Variants in NETO1 observed in about 807,000 individuals in gnomAD.
NETO1 encodes the protein neuropilin and tolloid-like protein 1.
A neutral mutation model predicts 61.3 loss-of-function variants in NETO1; 26 were observed. The observed-to-expected ratio is 0.42, with a 90% CI of 0.31 to 0.59. The LOEUF is 0.59. NETO1 is among the 20% of genes least tolerant of loss of function. The probability of loss-of-function intolerance (pLI) is 0.12; values close to 1 mark genes in which losing one functional copy is unlikely to be tolerated. For missense variants in NETO1, 531 were observed against 662.8 expected (o/e 0.80, Z 2.18); for synonymous variants, 225 against 225.8 (o/e 1.00, Z 0.03).
intron 7 of NETO1, among the ~76,000 whole-genome samples, chr18:72,778,001 C>T (rs981437194): frequency 1.3e-5 from 2 of 152,180 alleles, no homozygotes; most frequent in African/African-American, 4.8e-5. Flanking sequence ...TCCTTTGAAA[C>T]ATAGGTGAAG....
intron 4 of NETO1, among the ~76,000 whole-genome samples, chr18:72,840,980 G>C (rs1252911015): frequency 6.6e-6 from 1 of 152,146 alleles, no homozygotes; most frequent in Non-Finnish European, 1.5e-5. Flanking sequence ...AAAAGAGGGA[G>C]TTCTTTCCTT....
At chr18:72,748,981 A>G in intron 10 of NETO1, 33 bp downstream of exon 10, 1 of 1,364,144 alleles carries the variant, frequency 7.3e-7, no homozygotes, top group African/African-American at 1.4e-5. Flanking sequence ...GAATACGACA[A>G]AGTAGGAAAA....
At chr18:72,770,348 T>C (rs923580514) in intron 7 of NETO1, among the ~76,000 whole-genome samples, 13 of 152,132 alleles carry the variant, frequency 8.5e-5, no homozygotes, top group African/African-American at 3.1e-4. Flanking sequence ...TCCATATTTA[T>C]TTTGATTATG....
intron 7 of NETO1, among the ~76,000 whole-genome samples, chr18:72,772,385 T>C (rs1305404160): frequency 6.6e-6 from 1 of 152,052 alleles, no homozygotes; most frequent in Non-Finnish European, 1.5e-5. Context: ...AAATCTCATC[T>C]AAGTCTCATC....
chr18:72,748,810 C>T (rs200861257), intron 10 of NETO1, among the ~76,000 whole-genome samples: 1 of 151,896 alleles, frequency 6.6e-6, no homozygotes, highest in Non-Finnish European at 1.5e-5. Context: ...GTTAAGAATA[C>T]TAAGATTTGT....
chr18:72,864,723 C>T lies in NETO1; in HGVS notation c.220+85G>A, dbSNP rs2074681418. 3.2e-6 allele frequency: 5 copies of T among 1,545,160 alleles called. No homozygotes were observed. The East Asian group carries it at 1.1e-4, about 35-fold the overall frequency. On this transcript the variant is annotated intron_variant, in intron 3 of 10. Coordinates refer to ENST00000327305, the MANE Select transcript of NETO1 (RefSeq NM_138966.5). ...GATCTCCAGATCAATTTTGTAATGCCTATACGCATATTCTTCATCCAAAGC... is the reference window on the plus strand; with the variant it reads ...GATCTCCAGATCAATTTTGTAATGCTTATACGCATATTCTTCATCCAAAGC...
At chr18:72,749,277 T>G (rs1375771393) in intron 9 of NETO1, among the ~76,000 whole-genome samples, 189 bp from the exon 10 acceptor site, 2 of 152,160 alleles carry the variant, frequency 1.3e-5, no homozygotes, top group African/African-American at 4.8e-5. Context: ...AGAAAGTATG[T>G]CACGATTTAT....
At chr18:72,851,687 T>G (rs1309992067) in intron 4 of NETO1, among the ~76,000 whole-genome samples, 1 of 152,052 alleles carries the variant, frequency 6.6e-6, no homozygotes, top group Non-Finnish European at 1.5e-5. Context: ...ACATTGCGAG[T>G]GGAAAAACAT....
chr18:72,866,730 C>T, intron 1 of NETO1: 4 of 987,956 alleles, frequency 4.0e-6, no homozygotes, highest in Non-Finnish European at 4.8e-6. Flanking sequence ...TCTACACTGC[C>T]CGCGTTACCA....
chr18:72,834,565 A>G (rs1482384323), intron 4 of NETO1: 2 of 979,122 alleles, frequency 2.0e-6, no homozygotes, highest in Non-Finnish European at 2.4e-6. Flanking sequence ...ATCATGTAGT[A>G]ATCTATTTCA....
intron 4 of NETO1, 21 bp downstream of exon 4, chr18:72,858,801 ATTTT>A (rs545653234): frequency 6.6e-7 from 1 of 1,506,200 alleles, no homozygotes; most frequent in Admixed American, 2.1e-5. Flanking sequence ...AGAAAAAGAA[ATTTT>A]TTTTTTAAGT....
chr18:72,784,813 C>T (rs191140945), intron 6 of NETO1, among the ~76,000 whole-genome samples: 1 of 152,222 alleles, frequency 6.6e-6, no homozygotes, highest in African/African-American at 2.4e-5. Context: ...ATAATTTGTT[C>T]ATGCGTCCAT....
rs74763150 is a variant in NETO1, at chr18:72,863,381, C to T, written c.220+1427G>A. Among the ~76,000 whole-genome samples, 361 of 152,280 alleles carry T rather than the reference C, an allele frequency of 2.4e-3. 3 individuals are homozygous for T. The highest frequency in any genetic ancestry group is 8.2e-3 in the African/African-American group (342 of 41,570). Reference sequence around the variant, plus strand: ...CCTGTATTCTTCTCTTTGGCTTCCCCGTCGCAACTACTTTGTGCTAATCCT... The same window carrying T: ...CCTGTATTCTTCTCTTTGGCTTCCCTGTCGCAACTACTTTGTGCTAATCCT... On this transcript the variant is annotated intron_variant, in intron 3 of 10. Coordinates refer to ENST00000327305, the MANE Select transcript of NETO1 (RefSeq NM_138966.5).
Position 72,829,622 on chromosome 18 carries a change from T to C in NETO1, c.469+29204A>G, listed in dbSNP as rs140762488. Among the ~76,000 whole-genome samples the C allele has an allele frequency of 1.9e-3, 285 of 152,310 alleles. 1 individual carries two copies. Among genetic ancestry groups the C allele is most frequent in the African/African-American group, 6.2e-3 (258 of 41,556 alleles). ...AGTTCTATGCTTGGTTTACCCCAAA[T>C]ATATGCTTAATTTTTAGAATACAAG... On this transcript the variant is annotated intron_variant, in intron 4 of 10. Coordinates refer to ENST00000327305, the MANE Select transcript of NETO1 (RefSeq NM_138966.5).
chr18:72,803,200 C>T (rs1376916086), intron 4 of NETO1, among the ~76,000 whole-genome samples: 1 of 152,174 alleles, frequency 6.6e-6, no homozygotes, highest in Non-Finnish European at 1.5e-5. Flanking sequence ...GTGCACTTGA[C>T]AGCTTCCCAA....
intron 7 of NETO1, among the ~76,000 whole-genome samples, chr18:72,769,246 C>A (rs1428485564): frequency 6.6e-6 from 1 of 152,080 alleles, no homozygotes; most frequent in Non-Finnish European, 1.5e-5. Flanking sequence ...AGAGAAAGGC[C>A]AATACTGTAT....
intron 4 of NETO1, among the ~76,000 whole-genome samples, chr18:72,806,786 A>G (rs1395756207): frequency 1.3e-5 from 2 of 152,172 alleles, no homozygotes; most frequent in Non-Finnish European, 2.9e-5. Context: ...TCCATAATCA[A>G]TCTTCACATC....
chr18:72,810,036 C>A (rs1053292783), intron 4 of NETO1, among the ~76,000 whole-genome samples: 1 of 152,078 alleles, frequency 6.6e-6, no homozygotes, highest in South Asian at 2.1e-4. Flanking sequence ...AAAAATAAAA[C>A]ATTGTGTCTA....
intron 4 of NETO1, among the ~76,000 whole-genome samples, chr18:72,847,133 T>C (rs996451513): frequency 6.6e-6 from 1 of 152,198 alleles, no homozygotes; most frequent in African/African-American, 2.4e-5. Flanking sequence ...AGTCTTCTGA[T>C]TTGGGGTATG....
Sources: gnomAD v4.1 joint callset for allele counts (sites outside exome capture counted in the v4.1 genomes callset) on GRCh38, gnomAD v4.1.1 for gene constraint, MANE v1.5 for transcripts, NCBI Gene and HGNC (gene_info 2026-07-23, HGNC 2026-07-21) for gene names.